Variants in PLXNA4 observed in about 807,000 individuals in gnomAD.
PLXNA4 encodes plexin-A4.
PLXNA4 carries 44 observed loss-of-function variants against 191.8 expected under a neutral mutation model. That is an observed-to-expected ratio of 0.23 (90% CI 0.18 to 0.29). The LOEUF is 0.29. Among genes scored for constraint, PLXNA4 ranks in the 10% least tolerant of loss-of-function variants. The pLI is 1.00. For synonymous variants in PLXNA4, 1,082 were observed against 1,009.5 expected (o/e 1.07, Z -1.36); for missense variants, 1,800 against 2,488.8 (o/e 0.72, Z 5.89).
intron 5 of PLXNA4, among the ~76,000 whole-genome samples, chr7:132,230,443 T>A (rs1798487290): frequency 6.6e-6 from 1 of 152,214 alleles, no homozygotes. Flanking sequence ...CTTTGAGTGT[T>A]ATTGCAACTT....
rs778364356 is a variant in PLXNA4 at position 132,446,696 on chromosome 7, G to A, written c.1371+42596C>T. On this transcript the variant is annotated intron_variant, in intron 3 of 31. Coordinates refer to ENST00000321063, the MANE Select transcript of PLXNA4 (RefSeq NM_020911.2). ...ATCCAGGTAACTATGTTACCTCATT[G>A]TATCCTCACAAAAACCCCACCCTAT... 2.0e-5 allele frequency among the ~76,000 whole-genome samples: 3 copies of A among 152,156 alleles called. No individual in the cohort carries two copies. The South Asian group carries it at 6.2e-4, about 32-fold the overall frequency.
chr7:132,535,835 G>C (rs959000535), intron 1 of PLXNA4, among the ~76,000 whole-genome samples: 12 of 152,150 alleles, frequency 7.9e-5, no homozygotes, highest in Admixed American at 7.9e-4. Context: ...GGCCAGGCAC[G>C]TGGCTGAACA....
intron 1 of PLXNA4, among the ~76,000 whole-genome samples, chr7:132,520,938 G>A (rs1799151193): frequency 6.6e-6 from 1 of 152,088 alleles, no homozygotes; most frequent in African/African-American, 2.4e-5. Flanking sequence ...CATCTAGTGG[G>A]AGTGCCTCAC....
intron 3 of PLXNA4, among the ~76,000 whole-genome samples, chr7:132,327,322 G>T (rs898222733): frequency 2.0e-5 from 3 of 152,004 alleles, no homozygotes; most frequent in Non-Finnish European, 4.4e-5. Flanking sequence ...GCAATCTAAG[G>T]GTCAGAAGTA....
intron 2 of PLXNA4, among the ~76,000 whole-genome samples, chr7:132,625,496 T>C (rs997025397): frequency 6.6e-6 from 1 of 152,190 alleles, no homozygotes; most frequent in South Asian, 2.1e-4. Flanking sequence ...ATAGATCCTG[T>C]AGAGCATTGA....
chr7:132,565,721 G>T (rs1801691306), intron 1 of PLXNA4, among the ~76,000 whole-genome samples: 2 of 152,072 alleles, frequency 1.3e-5, no homozygotes, highest in South Asian at 4.2e-4. Flanking sequence ...TCCTCCCAAA[G>T]CTCTGCTATA....
intron 5 of PLXNA4, among the ~76,000 whole-genome samples, chr7:132,233,630 G>T (rs1221931540): frequency 6.6e-6 from 1 of 152,216 alleles, no homozygotes; most frequent in African/African-American, 2.4e-5. Context: ...ATTTACCCAT[G>T]CATCCCCTAC....
chr7:132,320,291 TC>T (rs1174259142), intron 3 of PLXNA4, among the ~76,000 whole-genome samples: 2 of 152,178 alleles, frequency 1.3e-5, no homozygotes, highest in Admixed American at 1.3e-4. Context: ...TCTTCCCACC[TC>T]CAGTGACTGC....
intron 3 of PLXNA4, among the ~76,000 whole-genome samples, chr7:132,316,875 C>T (rs909451767): frequency 6.6e-6 from 1 of 152,218 alleles, no homozygotes; most frequent in African/African-American, 2.4e-5. Flanking sequence ...AAACAGGGTG[C>T]TATAAGACTG....
chr7:132,497,177 C>T (rs1283916858), intron 2 of PLXNA4, among the ~76,000 whole-genome samples: 1 of 151,970 alleles, frequency 6.6e-6, no homozygotes, highest in East Asian at 1.9e-4. Context: ...CATAGCACAC[C>T]TCCACTGGAA....
chr7:132,500,462 A>G (rs1171375554), intron 2 of PLXNA4, among the ~76,000 whole-genome samples: 1 of 151,772 alleles, frequency 6.6e-6, no homozygotes, highest in Non-Finnish European at 1.5e-5. Context: ...AAGGAGAAGG[A>G]GAAGAAGAAG....
intron 3 of PLXNA4, among the ~76,000 whole-genome samples, chr7:132,481,510 CA>C (rs112499635): frequency 0.041 from 6,217 of 151,918 alleles, 205 homozygotes; most frequent in African/African-American, 0.083. Flanking sequence ...ACATTTACCC[CA>C]CCCCCAAAAA....
chr7:132,154,228 A>G (rs1795728251), intron 25 of PLXNA4, among the ~76,000 whole-genome samples: 1 of 152,138 alleles, frequency 6.6e-6, no homozygotes, highest in African/African-American at 2.4e-5. Context: ...CACGCCTGTC[A>G]GCAGGTGAAA....
At chr7:132,336,055 C>T (rs1802803489) in intron 3 of PLXNA4, among the ~76,000 whole-genome samples, 1 of 152,186 alleles carries the variant, frequency 6.6e-6, no homozygotes, top group African/African-American at 2.4e-5. Context: ...GCAGAGCTGA[C>T]ATATTCTCTG....
chr7:132,544,328 G>T (rs564840339), intron 1 of PLXNA4, among the ~76,000 whole-genome samples: 2 of 152,312 alleles, frequency 1.3e-5, no homozygotes, highest in African/African-American at 4.8e-5. Context: ...CTACAATCAG[G>T]CAGGTGGGAC....
chr7:132,320,809 GCGCAGACC>G (rs1802131259), intron 3 of PLXNA4, among the ~76,000 whole-genome samples: 1 of 152,176 alleles, frequency 6.6e-6, no homozygotes, highest in Non-Finnish European at 1.5e-5. Flanking sequence ...CTCTAGCCTT[GCGCAGACC>G]TACAGAATCA....
At chr7:132,302,514 C>G (rs1474251474) in intron 3 of PLXNA4, among the ~76,000 whole-genome samples, 1 of 151,804 alleles carries the variant, frequency 6.6e-6, no homozygotes, top group East Asian at 1.9e-4. Flanking sequence ...GAGTCAGGAT[C>G]GAGGAAGGGA....
chr7:132,529,033 A>G (rs148345901), intron 1 of PLXNA4, among the ~76,000 whole-genome samples: 1 of 152,388 alleles, frequency 6.6e-6, no homozygotes, highest in East Asian at 1.9e-4. Context: ...AGCAGACTCC[A>G]GCAATGAATA....
At chr7:132,152,828 CCTT>C (rs1000095448) in intron 25 of PLXNA4, among the ~76,000 whole-genome samples, 6 of 152,188 alleles carry the variant, frequency 3.9e-5, no homozygotes, top group Admixed American at 6.5e-5. Context: ...CTCACAAACA[CCTT>C]CTCCTACAAA....
Sources: allele counts gnomAD v4.1 joint callset (sites outside exome capture counted in the v4.1 genomes callset), GRCh38; gene constraint gnomAD v4.1.1; transcripts MANE v1.5; gene names NCBI Gene and HGNC (gene_info 2026-07-23, HGNC 2026-07-21).